MAGI1: variants seen among roughly 807,000 people sequenced by gnomAD.
The protein encoded by MAGI1 is membrane-associated guanylate kinase, WW and PDZ domain-containing protein 1.
In MAGI1, 58 loss-of-function variants were observed where a neutral mutation model predicts 139.9. The observed-to-expected ratio is 0.41, with a 90% CI of 0.34 to 0.52. MAGI1 has a LOEUF of 0.52. MAGI1 is among the 20% of genes least tolerant of loss of function. MAGI1 has a pLI of 0.12. For missense variants in MAGI1, 1,874 were observed against 1,901.6 expected (o/e 0.99, Z 0.27); for synonymous variants, 812 against 737.9 (o/e 1.10, Z -1.63).
intron 1 of MAGI1, among the ~76,000 whole-genome samples, chr3:65,944,852 T>TA (rs1463192352): frequency 6.6e-6 from 1 of 152,114 alleles, no homozygotes; most frequent in African/African-American, 2.4e-5. Context: ...AATGGTTAGG[T>TA]AATAAAGAGA....
At chr3:65,800,638 T>TAAAA (rs11446884) in intron 1 of MAGI1, among the ~76,000 whole-genome samples, 2 of 149,916 alleles carry the variant, frequency 1.3e-5, no homozygotes, top group South Asian at 2.1e-4. Context: ...TTAATTAGAT[T>TAAAA]AAAAAAAAAA....
chr3:65,861,891 T>G (rs1157966633), intron 1 of MAGI1, among the ~76,000 whole-genome samples: 1 of 152,204 alleles, frequency 6.6e-6, no homozygotes, highest in African/African-American at 2.4e-5. Context: ...AGCAGGCATG[T>G]GCAGTCCACA....
chr3:65,949,859 C>T (rs1242330540), intron 1 of MAGI1, among the ~76,000 whole-genome samples: 1 of 151,906 alleles, frequency 6.6e-6, no homozygotes, highest in Admixed American at 6.6e-5. Context: ...GACCAGCCTG[C>T]GCAACATGGC....
intron 1 of MAGI1, among the ~76,000 whole-genome samples, chr3:65,871,371 A>C (rs185146389): frequency 6.6e-6 from 1 of 152,364 alleles, no homozygotes; most frequent in African/African-American, 2.4e-5. Flanking sequence ...CTCTTTCTTC[A>C]TGCACCTGTG....
chr3:65,382,950 A>G (rs181947215), intron 15 of MAGI1, among the ~76,000 whole-genome samples: 36 of 152,294 alleles, frequency 2.4e-4, no homozygotes, highest in African/African-American at 8.7e-4. Flanking sequence ...AACGATACCT[A>G]TTTCAGTTTT....
At chr3:65,987,063 G>C (rs1458744459) in intron 1 of MAGI1, among the ~76,000 whole-genome samples, 1 of 152,048 alleles carries the variant, frequency 6.6e-6, no homozygotes, top group Non-Finnish European at 1.5e-5. Flanking sequence ...GTAGAGACGG[G>C]GTTTTGCCAT....
chr3:65,517,610 G>C (rs2077966151), intron 2 of MAGI1, among the ~76,000 whole-genome samples: 1 of 152,178 alleles, frequency 6.6e-6, no homozygotes, highest in African/African-American at 2.4e-5. Flanking sequence ...TATGTCCCCA[G>C]CAGAGGCCCT....
intron 21 of MAGI1, among the ~76,000 whole-genome samples, chr3:65,362,969 G>C (rs751062126): frequency 3.3e-5 from 5 of 152,174 alleles, no homozygotes; most frequent in Non-Finnish European, 5.9e-5. Flanking sequence ...TCATGCCACA[G>C]AGCCCTGGCT....
chr3:65,568,977 G>A (rs1381518886), intron 2 of MAGI1, among the ~76,000 whole-genome samples: 1 of 152,198 alleles, frequency 6.6e-6, no homozygotes, highest in African/African-American at 2.4e-5. Flanking sequence ...CCAGCCAGCT[G>A]ATAAATGTTT....
chr3:66,015,608 T>C lies in MAGI1; in HGVS notation c.313+22388A>G, dbSNP rs186220737. ...AGGATGGCATAGAGTAAGGGGTACA[T>C]ATATGCTAGATATTCTATAGCTACT... On this transcript the variant is annotated intron_variant, in intron 1 of 22. Transcript: ENST00000402939. Among the ~76,000 whole-genome samples the C allele has an allele frequency of 1.9e-3, 285 of 152,348 alleles. 1 individual carries two copies. The highest frequency in any genetic ancestry group is 3.3e-3 in the Non-Finnish European group (225 of 68,030).
At chr3:65,494,746 C>T (rs1952302815) in intron 2 of MAGI1, among the ~76,000 whole-genome samples, 1 of 152,250 alleles carries the variant, frequency 6.6e-6, no homozygotes, top group African/African-American at 2.4e-5. Context: ...AAGTTCTTAG[C>T]ACTGTGCAGT....
At chr3:65,371,577 G>A (rs1014489261) in intron 18 of MAGI1, among the ~76,000 whole-genome samples, 2 of 152,162 alleles carry the variant, frequency 1.3e-5, no homozygotes, top group African/African-American at 4.8e-5. Flanking sequence ...AGACAACAAT[G>A]AAGTTTGCTC....
At chr3:65,640,369 A>G (rs535672600) in intron 1 of MAGI1, among the ~76,000 whole-genome samples, 38 of 152,152 alleles carry the variant, frequency 2.5e-4, no homozygotes, top group Non-Finnish European at 5.0e-4. Flanking sequence ...TAATTCACAT[A>G]TGTATAAATG....
chr3:65,439,215 G>C (rs1948066296), intron 9 of MAGI1, among the ~76,000 whole-genome samples: 1 of 152,074 alleles, frequency 6.6e-6, no homozygotes, highest in Non-Finnish European at 1.5e-5. Context: ...AGCCAACTTA[G>C]TAATATGTGC....
chr3:65,808,740 C>T (rs756349945), intron 1 of MAGI1, among the ~76,000 whole-genome samples: 4 of 152,180 alleles, frequency 2.6e-5, no homozygotes, highest in Non-Finnish European at 5.9e-5. Context: ...AAATTGGGGA[C>T]CATTCTGCTC....
intron 2 of MAGI1, among the ~76,000 whole-genome samples, chr3:65,602,546 G>T (rs1472323046): frequency 3.9e-5 from 6 of 152,052 alleles, no homozygotes; most frequent in Non-Finnish European, 8.8e-5. Flanking sequence ...GAGTTAGAAG[G>T]AAATGGGATG....
intron 1 of MAGI1, among the ~76,000 whole-genome samples, chr3:65,683,471 C>A (rs1362675174): frequency 6.7e-6 from 1 of 149,790 alleles, no homozygotes; most frequent in African/African-American, 2.5e-5. Context: ...AAAATAAAGC[C>A]TTATTAAAAA....
At chr3:65,633,564 G>C (rs917423918) in intron 1 of MAGI1, among the ~76,000 whole-genome samples, 2 of 152,086 alleles carry the variant, frequency 1.3e-5, no homozygotes, top group African/African-American at 2.4e-5. Flanking sequence ...TTCTCTTGGT[G>C]AATCTTTTTA....
At chr3:65,957,768 G>GTTGTT (rs1353855500) in intron 1 of MAGI1, among the ~76,000 whole-genome samples, 4 of 151,912 alleles carry the variant, frequency 2.6e-5, no homozygotes, top group African/African-American at 7.3e-5. Context: ...TGTTGTTGTT[G>GTTGTT]TTGTTTTGTT....
Sources: gnomAD v4.1 joint callset for allele counts (sites outside exome capture counted in the v4.1 genomes callset) on GRCh38, gnomAD v4.1.1 for gene constraint, MANE v1.5 for transcripts, NCBI Gene and HGNC (gene_info 2026-07-23, HGNC 2026-07-21) for gene names.